MRRF: variants seen among roughly 807,000 people sequenced by gnomAD.
MRRF encodes ribosome-recycling factor, mitochondrial.
A neutral mutation model predicts 25.1 loss-of-function variants in MRRF; 18 were observed. The ratio of observed to expected loss-of-function variants is 0.72; its 90% CI spans 0.50 to 1.06. The LOEUF (loss-of-function observed/expected upper bound fraction) is 1.06. MRRF is among the 50% of genes least tolerant of loss of function. The pLI is 0.00. For missense variants in MRRF, 323 were observed against 319.3 expected, an observed-to-expected ratio of 1.01 and a Z score of -0.09; for synonymous variants, 113 against 112.1, an observed-to-expected ratio of 1.01 and a Z score of -0.05.
chr9:122,286,952 A>G (rs1046906773), intron 4 of MRRF, among the ~76,000 whole-genome samples: 2 of 152,124 alleles, frequency 1.3e-5, no homozygotes, highest in African/African-American at 2.4e-5. Flanking sequence ...CTTTAGCCAC[A>G]TTGGTCTTTC....
Position 122,326,247 on chromosome 9 carries a change from T to A in MRRF, c.*3630T>A, listed in dbSNP as rs1836138173. ...CTTCAGCCTCCTGAGTAGCTGGGAT[T>A]ACAGGCGCCCGCCACCACACCCAGC... On this transcript the variant is annotated 3_prime_UTR_variant, in exon 7 of 7. Transcript: ENST00000344641. 1 of 152,022 alleles carries A rather than the reference T, an allele frequency of 6.6e-6. No homozygotes were observed. Among genetic ancestry groups the A allele is most frequent in the South Asian group, 2.1e-4 (1 of 4,814 alleles). 9.4% of individuals were successfully genotyped at this position (152,022 alleles called of 1,614,324 possible).
At chr9:122,283,972 G>A (rs1195300409) in intron 3 of MRRF, among the ~76,000 whole-genome samples, 2 of 125,508 alleles carry the variant, frequency 1.6e-5, no homozygotes, top group African/African-American at 9.8e-5. Flanking sequence ...TAGTTTTGTT[G>A]TTGTTGTTGT....
intron 4 of MRRF, 151 bp from the exon 5 acceptor site, chr9:122,291,598 C>T: frequency 2.9e-6 from 2 of 688,644 alleles, no homozygotes; most frequent in East Asian, 5.3e-5. Context: ...TTGATCAAAG[C>T]ACTCTACACC....
chr9:122,307,093 T>C (rs1261622505), intron 5 of MRRF, among the ~76,000 whole-genome samples: 3 of 152,098 alleles, frequency 2.0e-5, no homozygotes, highest in Non-Finnish European at 4.4e-5. Context: ...CCTAGAAGCA[T>C]AGGAAATCTG....
Position 122,291,738 on chromosome 9 carries a change from C to T in MRRF, c.460-11C>T, listed in dbSNP as rs781154588. On this transcript the variant is annotated splice_polypyrimidine_tract_variant and intron_variant, in intron 4 of 6. Transcript: ENST00000344641. ...TTACTAATTCTGTTTACCTTTTGAT[C>T]TGGTTTTCAGTGTACAGCTGCAGCT... is the stretch of plus-strand genomic sequence containing the variant. 1.0e-5 allele frequency: 16 copies of T among 1,595,392 alleles called. No individual in the cohort carries two copies. The highest frequency in any genetic ancestry group is 1.4e-5 in the Non-Finnish European group (16 of 1,162,956).
At chr9:122,301,344 GAGGGGAAGCTGTGT>G (rs1834441703) in intron 5 of MRRF, among the ~76,000 whole-genome samples, 1 of 152,208 alleles carries the variant, frequency 6.6e-6, no homozygotes, top group South Asian at 2.1e-4. Context: ...GGTAAATGTG[GAGGGGAAGCTGTGT>G]AGCTAGGGAG....
At chr9:122,322,316 T>C (rs1002484015) in intron 6 of MRRF, among the ~76,000 whole-genome samples, 1 of 151,898 alleles carries the variant, frequency 6.6e-6, no homozygotes, top group African/African-American at 2.4e-5. Context: ...TGAGCCGAGA[T>C]TGCACCACTG....
At chr9:122,309,544 A>G (rs2118942190) in intron 5 of MRRF, among the ~76,000 whole-genome samples, 1 of 152,290 alleles carries the variant, frequency 6.6e-6, no homozygotes, top group South Asian at 2.1e-4. Flanking sequence ...CTCCACATTT[A>G]GTTCCTGGGG....
chr9:122,327,365 G>T lies in MRRF; in HGVS notation c.*4748G>T, dbSNP rs529864582. The T allele has an allele frequency of 1.5e-4, 23 of 152,282 alleles. No individual in the cohort carries two copies. Among genetic ancestry groups the T allele is most frequent in the African/African-American group, 5.5e-4 (23 of 41,548 alleles). The allele number at this position is 152,282 out of a possible 1,614,324, so 9.4% of individuals were successfully genotyped here. ...TTCTTTGTTGCATTGAAACCACTCA[G>T]TGAAACTTTGCGGTTAGACAAAGAG... is the stretch of plus-strand genomic sequence containing the variant. On this transcript the variant is annotated 3_prime_UTR_variant, in exon 7 of 7. Transcript: ENST00000344641.
chr9:122,309,331 T>C (rs1430266143), intron 5 of MRRF, among the ~76,000 whole-genome samples: 1 of 152,250 alleles, frequency 6.6e-6, no homozygotes, highest in Non-Finnish European at 1.5e-5. Flanking sequence ...TACTAAGACA[T>C]TGAAGGGCTT....
At chr9:122,320,048 G>A (rs994742940) in intron 6 of MRRF, among the ~76,000 whole-genome samples, 4 of 151,564 alleles carry the variant, frequency 2.6e-5, no homozygotes, top group African/African-American at 7.3e-5. Flanking sequence ...CTAACTTTTT[G>A]TGTTTTTTTA....
At chr9:122,289,963 A>G (rs961449016) in intron 4 of MRRF, among the ~76,000 whole-genome samples, 2 of 151,670 alleles carry the variant, frequency 1.3e-5, no homozygotes, top group African/African-American at 4.8e-5. Flanking sequence ...GCTGAGGTGG[A>G]GAGTCACCTG....
chr9:122,279,326 A>G (rs1434309233), intron 2 of MRRF, among the ~76,000 whole-genome samples: 1 of 152,196 alleles, frequency 6.6e-6, no homozygotes, highest in Non-Finnish European at 1.5e-5. Flanking sequence ...TAGATTTCTC[A>G]TCTGTACCAT....
intron 6 of MRRF, among the ~76,000 whole-genome samples, chr9:122,318,740 C>T (rs1176197230): frequency 6.6e-6 from 1 of 152,192 alleles, no homozygotes; most frequent in Non-Finnish European, 1.5e-5. Context: ...AGGGTTCTTG[C>T]TTTGGAGTGA....
At chr9:122,295,537 C>T (rs1273385843) in intron 5 of MRRF, among the ~76,000 whole-genome samples, 1 of 151,900 alleles carries the variant, frequency 6.6e-6, no homozygotes, top group Non-Finnish European at 1.5e-5. Flanking sequence ...CCTGCGCCTC[C>T]CAGGTTCAAG....
intron 2 of MRRF, among the ~76,000 whole-genome samples, chr9:122,273,744 T>C (rs1832608313): frequency 6.6e-6 from 1 of 152,212 alleles, no homozygotes; most frequent in Admixed American, 6.5e-5. Flanking sequence ...ACCCACTATA[T>C]TGACTTTAAC....
At chr9:122,267,864 T>G (rs1451154753) in intron 1 of MRRF, among the ~76,000 whole-genome samples, 1 of 152,204 alleles carries the variant, frequency 6.6e-6, no homozygotes, top group African/African-American at 2.4e-5. Flanking sequence ...TAAAGTCTCA[T>G]TAATATCACT....
intron 2 of MRRF, among the ~76,000 whole-genome samples, chr9:122,277,840 C>T (rs1440309734): frequency 6.6e-6 from 1 of 152,218 alleles, no homozygotes; most frequent in East Asian, 1.9e-4. Flanking sequence ...GCATGAGCCA[C>T]CACGCCTGGC....
At chr9:122,297,826 T>G (rs1260588670) in intron 5 of MRRF, among the ~76,000 whole-genome samples, 1 of 152,146 alleles carries the variant, frequency 6.6e-6, no homozygotes, top group Non-Finnish European at 1.5e-5. Context: ...CAGAAAACCA[T>G]CTGCAACACA....
Sources: gnomAD v4.1 joint callset for allele counts (sites outside exome capture counted in the v4.1 genomes callset) on GRCh38, gnomAD v4.1.1 for gene constraint, MANE v1.5 for transcripts, NCBI Gene and HGNC (gene_info 2026-07-23, HGNC 2026-07-21) for gene names.